The following KAT6A variants were observed in gnomAD, a reference collection of about 807,000 sequenced individuals.
KAT6A encodes the protein lysine acetyltransferase 6A, also known as histone acetyltransferase KAT6A.
Under a neutral mutation model 198.4 loss-of-function variants are expected in KAT6A, and 9 were observed. The ratio of observed to expected loss-of-function variants is 0.05; its 90% CI spans 0.03 to 0.08. The LOEUF (loss-of-function observed/expected upper bound fraction) is 0.08, where lower values mean the gene tolerates loss of function less well. Ranked by LOEUF, KAT6A falls within the 10% of genes least tolerant of loss-of-function variation. The pLI is 1.00. For synonymous variants in KAT6A, 890 were observed against 883.0 expected (o/e 1.01, Z -0.14); for missense variants, 2,077 against 2,509.9 (o/e 0.83, Z 3.69).
intron 2 of KAT6A, among the ~76,000 whole-genome samples, chr8:42,044,984 A>C (rs1802142183): frequency 6.6e-6 from 1 of 152,248 alleles, no homozygotes; most frequent in South Asian, 2.1e-4. Context: ...GAAAATAGTT[A>C]AAATACAATA....
In KAT6A at chr8:41,932,599, A is replaced by G; in HGVS notation, c.5621T>C (p.Leu1874Pro). The change falls in exon 17 of 17, where the codon CTG becomes CCG. Residue 1874 changes from leucine (L) to proline (P), a missense_variant. Physicochemically the swap from Leu to Pro is moderately conservative, Grantham distance 98. Around this residue, in one of 13 missense-constraint regions of KAT6A, gnomAD observed 500 missense variants for 577.2 expected, o/e 0.87. Transcript: ENST00000265713. ...LPSAAAHQQQ[L>P]YGRSPSAVAM... ...AACTGCCGATGGGCTACGGCCATAC[A>G]GCTGCTGCTGGTGAGCAGCCGCAGA... 6.2e-7 allele frequency: 1 copy of G among 1,614,136 alleles called. No homozygotes were observed. The highest frequency in any genetic ancestry group is 1.3e-5 in the African/African-American group (1 of 75,076).
At chr8:41,979,030 G>A (rs1160124768) in intron 5 of KAT6A, among the ~76,000 whole-genome samples, 1 of 152,220 alleles carries the variant, frequency 6.6e-6, no homozygotes, top group Non-Finnish European at 1.5e-5. Context: ...AGTCCACTGA[G>A]GCTGAGGCGG....
intron 3 of KAT6A, among the ~76,000 whole-genome samples, chr8:41,984,398 T>C (rs1040007495): frequency 2.0e-5 from 3 of 152,184 alleles, no homozygotes; most frequent in Non-Finnish European, 1.5e-5. Flanking sequence ...GGCACGGAAC[T>C]GAAGCTTCTT....
intron 12 of KAT6A, among the ~76,000 whole-genome samples, chr8:41,945,810 C>T (rs1307499766): frequency 6.6e-6 from 1 of 151,918 alleles, no homozygotes; most frequent in African/African-American, 2.4e-5. Flanking sequence ...GGGTGGATCA[C>T]GAGGTCAGGA....
chr8:41,994,145 CTATA>C (rs1825077307), intron 2 of KAT6A, among the ~76,000 whole-genome samples: 1 of 152,134 alleles, frequency 6.6e-6, no homozygotes, highest in African/African-American at 2.4e-5. Context: ...TTCCCATGAT[CTATA>C]TAAAGTAAAC....
In KAT6A at chr8:41,943,004, G is replaced by C. The variant is rs778292122; in HGVS notation, c.2229-4C>G. 4 of 1,613,760 alleles carry C rather than the reference G, an allele frequency of 2.5e-6. No homozygotes were observed. The highest frequency in any genetic ancestry group is 2.7e-5 in the African/African-American group (2 of 74,898). On this transcript the variant is annotated splice_polypyrimidine_tract_variant and splice_region_variant and intron_variant, in intron 13 of 16. Transcript: ENST00000265713. ...TTCCCGGCGGATAATCACAAATCTG[G>C]AACCAGAGAAAAGTTTATAGCAATC...
Position 41,941,052 on chromosome 8 carries a change from C to G in KAT6A, c.2829G>C (p.Gly943=). The change falls in exon 15 of 17, where the codon GGG becomes GGC. Residue 943 remains glycine, a synonymous_variant. Coordinates refer to ENST00000265713, the MANE Select transcript of KAT6A (RefSeq NM_006766.5). ...TGAGCTGTCCTCGCCAGGGCTCAAC[C>G]CCCTCACTGAGTCTTCTCTTGGGAA... The part of the protein sequence containing the change: ...PDLPKRRLSE[G]VEPWRGQLKK... 1 of 1,614,136 alleles carries G rather than the reference C, an allele frequency of 6.2e-7. No homozygotes were observed. The highest frequency in any genetic ancestry group is 8.5e-7 in the Non-Finnish European group (1 of 1,180,030).
intron 8 of KAT6A, among the ~76,000 whole-genome samples, chr8:41,964,274 T>G (rs1048731184): frequency 2.0e-5 from 3 of 152,188 alleles, no homozygotes; most frequent in African/African-American, 7.2e-5. Flanking sequence ...TAAAGTTGTA[T>G]TAAATGAAAC....
chr8:41,939,209 T>C (rs1188435753), intron 15 of KAT6A, among the ~76,000 whole-genome samples: 1 of 152,172 alleles, frequency 6.6e-6, no homozygotes, highest in Non-Finnish European at 1.5e-5. Flanking sequence ...GCCTCCACTC[T>C]GAGGGGGTAG....
chr8:41,934,215 C>T lies in KAT6A; in HGVS notation c.4005G>A (p.Gln1335=). 1 of 1,614,184 alleles carries T rather than the reference C, an allele frequency of 6.2e-7. No homozygotes were observed. Residue 1335 remains glutamine, a synonymous_variant, in exon 17 of 17, where the codon CAG becomes CAA. Transcript: ENST00000265713. The part of the protein sequence containing the change: ...ESTKKKELEE[Q]PTREDVKEEP... Reference sequence around the variant, plus strand: ...CCTCCTTGACATCTTCCCTCGTGGGCTGTTCCTCTAGCTCCTTTTTCTTTG... The same window carrying T: ...CCTCCTTGACATCTTCCCTCGTGGGTTGTTCCTCTAGCTCCTTTTTCTTTG...
At chr8:42,011,684 G>A (rs903337828) in intron 2 of KAT6A, among the ~76,000 whole-genome samples, 5 of 152,000 alleles carry the variant, frequency 3.3e-5, no homozygotes, top group African/African-American at 1.2e-4. Context: ...AGGTTGTGGT[G>A]AGCTGAGATT....
chr8:41,997,609 T>G (rs536979235), intron 2 of KAT6A, among the ~76,000 whole-genome samples: 2 of 152,250 alleles, frequency 1.3e-5, no homozygotes, highest in Non-Finnish European at 2.9e-5. Flanking sequence ...AAACAAAAAA[T>G]TCTTTCTGAC....
At chr8:41,948,058 A>T in intron 10 of KAT6A, 146 bp from the exon 11 acceptor site, 1 of 546,410 alleles carries the variant, frequency 1.8e-6, no homozygotes, top group Non-Finnish European at 3.0e-6. Context: ...CCTGGAAGCC[A>T]TCCTTTGAAA....
intron 8 of KAT6A, 55 bp downstream of exon 8, chr8:41,974,649 G>C (rs1390308981): frequency 1.1e-5 from 12 of 1,053,974 alleles, no homozygotes; most frequent in South Asian, 1.4e-5. Context: ...TTAATCTGCT[G>C]TTTCTCAGCC....
chr8:41,961,894 T>G lies in KAT6A; in HGVS notation c.1483-6483A>C, dbSNP rs574348749. Among the ~76,000 whole-genome samples, 7 of 152,276 alleles carry G rather than the reference T, an allele frequency of 4.6e-5. No individual in the cohort carries two copies. In the South Asian group the frequency reaches 1.5e-3, roughly 32 times the overall value. On this transcript the variant is annotated intron_variant, in intron 8 of 16. Coordinates refer to ENST00000265713, the MANE Select transcript of KAT6A (RefSeq NM_006766.5). ...TATAACCAATTTCTCCTTCCATTCT[T>G]TCTTGAAACCACTCCAATTATCTCT...
At chr8:42,021,925 AAAAAC>A (rs59754198) in intron 2 of KAT6A, among the ~76,000 whole-genome samples, 15,885 of 152,084 alleles carry the variant, frequency 0.1, 1,058 homozygotes, top group East Asian at 0.24. Flanking sequence ...ACTCTGTCTC[AAAAAC>A]AAAACAAAAC....
chr8:41,996,207 GA>G (rs1215057883), intron 2 of KAT6A, among the ~76,000 whole-genome samples: 4 of 152,022 alleles, frequency 2.6e-5, no homozygotes, highest in African/African-American at 9.7e-5. Context: ...AATTTTCATG[GA>G]AAAAAACTGC....
chr8:41,972,502 A>G (rs1823846376), intron 8 of KAT6A, among the ~76,000 whole-genome samples: 1 of 152,206 alleles, frequency 6.6e-6, no homozygotes, highest in Admixed American at 6.5e-5. Context: ...CTTGGATATT[A>G]CATGCCTTCT....
At chr8:42,034,540 G>T (rs937674045) in intron 2 of KAT6A, among the ~76,000 whole-genome samples, 1 of 152,174 alleles carries the variant, frequency 6.6e-6, no homozygotes, top group Non-Finnish European at 1.5e-5. Context: ...TAGAAAGATG[G>T]TAATAACAGT....
Sources: gnomAD v4.1 joint callset for allele counts (sites outside exome capture counted in the v4.1 genomes callset) on GRCh38, gnomAD v4.1.1 for gene constraint, gnomAD v4.1.1 regional missense constraint, MANE v1.5 for transcripts, NCBI Gene and HGNC (gene_info 2026-07-23, HGNC 2026-07-21) for gene names.